ASB18: variants seen among roughly 807,000 people sequenced by gnomAD.
The protein encoded by ASB18 is ankyrin repeat and SOCS box containing 18, also known as ankyrin repeat and SOCS box protein 18.
A neutral mutation model predicts 33.4 loss-of-function variants in ASB18; 33 were observed. The ratio of observed to expected loss-of-function variants is 0.99; its 90% confidence interval spans 0.75 to 1.32. The LOEUF is 1.32. Ranked by LOEUF, ASB18 falls within the 40% of genes most tolerant of loss-of-function variation. ASB18 has a pLI of 0.00. For synonymous variants in ASB18, 295 were observed against 307.6 expected (o/e 0.96, Z 0.43); for missense variants, 694 against 655.5 (o/e 1.06, Z -0.64).
rs2060725161 is a variant in ASB18, at chr2:236,262,743, G to C, written c.205+1398C>G. On this transcript the variant is annotated intron_variant, in intron 1 of 5. Transcript: ENST00000409749. The surrounding 1 kb of genome is among the most constrained non-coding windows in gnomAD (Gnocchi z 5.2). ...TAGAGAGATGGAAGGTACCAAGTTT[G>C]GGATCATGGCTCCTGGGCCTATGGA... 6.6e-6 allele frequency among the ~76,000 whole-genome samples: 1 copy of C among 152,166 alleles called. No individual in the cohort carries two copies. Among genetic ancestry groups the C allele is most frequent in the Non-Finnish European group, 1.5e-5 (1 of 68,034 alleles).
chr2:236,222,006 C>G lies in ASB18; in HGVS notation c.597-7140G>C, dbSNP rs1260913275. Among the ~76,000 whole-genome samples the G allele has an allele frequency of 6.6e-6, 1 of 152,120 alleles. No homozygotes were observed. The highest frequency in any genetic ancestry group is 6.6e-5 in the Admixed American group (1 of 15,266). The stretch of plus-strand genomic sequence containing the variant: ...CTATGGGGGCAAGGTTGCAGGGGAG[C>G]CTTGGGAGGAAAACAGAGCCGTGTT... On this transcript the variant is annotated intron_variant, in intron 3 of 5. Transcript: ENST00000409749. The surrounding 1 kb of genome is among the most constrained non-coding windows in gnomAD (Gnocchi z 5.5).
rs2060445968 is a variant in ASB18 at position 236,208,845 on chromosome 2, C to T, written c.1101+5517G>A. Among the ~76,000 whole-genome samples, 1 of 152,190 alleles carries T rather than the reference C, an allele frequency of 6.6e-6. No individual in the cohort carries two copies. Among genetic ancestry groups the T allele is most frequent in the African/African-American group, 2.4e-5 (1 of 41,442 alleles). On this transcript the variant is annotated intron_variant, in intron 4 of 5. Coordinates refer to ENST00000409749, the MANE Select transcript of ASB18 (RefSeq NM_212556.4). The surrounding 1 kb of genome is among the most constrained non-coding windows in gnomAD (Gnocchi z 7.7). ...TTGCTGTCTGCGGAGAGGCGGCTGC[C>T]ACATTACTCTGACATGCTGATGTCA... is the stretch of plus-strand genomic sequence containing the variant.
intron 4 of ASB18, among the ~76,000 whole-genome samples, chr2:236,206,020 C>T (rs906444344): frequency 2.6e-5 from 4 of 152,144 alleles, no homozygotes; most frequent in Non-Finnish European, 4.4e-5. Context: ...ACACCCTTTT[C>T]GATTGCCAAC....
chr2:236,199,723 G>A (rs2060390897), intron 4 of ASB18, among the ~76,000 whole-genome samples: 2 of 151,528 alleles, frequency 1.3e-5, no homozygotes, highest in African/African-American at 4.8e-5. Context: ...AATTTTTTGA[G>A]CTATTTTTGT....
rs1385437292 is a variant in ASB18, at chr2:236,259,888, T to G, written c.205+4253A>C. Among the ~76,000 whole-genome samples, 2 of 152,252 alleles carry G rather than the reference T, an allele frequency of 1.3e-5. No individual in the cohort carries two copies. Among genetic ancestry groups the G allele is most frequent in the Non-Finnish European group, 2.9e-5 (2 of 68,040 alleles). ...ATTTTCAGTTCCTTTGACTTCTGCCTGCACCAAGGTGGGGGCACATGTTCA... is the reference window on the plus strand; with the variant it reads ...ATTTTCAGTTCCTTTGACTTCTGCCGGCACCAAGGTGGGGGCACATGTTCA... On this transcript the variant is annotated intron_variant, in intron 1 of 5. Coordinates refer to ENST00000409749, the MANE Select transcript of ASB18 (RefSeq NM_212556.4). The surrounding 1 kb of genome is among the most constrained non-coding windows in gnomAD (Gnocchi z 4.4).
In ASB18 at chr2:236,215,775, G is replaced by A. The variant is rs1279056769; in HGVS notation, c.597-909C>T. Among the ~76,000 whole-genome samples, 3 of 152,066 alleles carry A rather than the reference G, an allele frequency of 2.0e-5. No individual in the cohort carries two copies. Among genetic ancestry groups the A allele is most frequent in the Non-Finnish European group, 2.9e-5 (2 of 68,006 alleles). The stretch of plus-strand genomic sequence containing the variant: ...GCTGGTCCTTGTCCTTCATGGACAC[G>A]GAAAAACACAAGCCCACCCCCAACT... On this transcript the variant is annotated intron_variant, in intron 3 of 5. Transcript: ENST00000409749. This position sits in a 1 kb window ranked among gnomAD's most constrained non-coding sequence, Gnocchi z 7.2.
Position 236,264,126 on chromosome 2 carries a change from G to C in ASB18, c.205+15C>G. The C allele has an allele frequency of 6.2e-7, 1 of 1,611,880 alleles. No individual in the cohort carries two copies. Among genetic ancestry groups the C allele is most frequent in the Non-Finnish European group, 8.5e-7 (1 of 1,178,680 alleles). ...AGTAATTAAATCCCAGATGCAGCAGGCTCGTTCTGGTTACCTAGCAGCATG... is the reference window on the plus strand; with the variant it reads ...AGTAATTAAATCCCAGATGCAGCAGCCTCGTTCTGGTTACCTAGCAGCATG... On this transcript the variant is annotated intron_variant, in intron 1 of 5. Transcript: ENST00000409749. The surrounding 1 kb of genome is among the most constrained non-coding windows in gnomAD (Gnocchi z 5.1).
chr2:236,259,644 A>G lies in ASB18; in HGVS notation c.205+4497T>C, dbSNP rs752560040. 3 of 467,782 alleles carry G rather than the reference A, an allele frequency of 6.4e-6. No individual in the cohort carries two copies. The highest frequency in any genetic ancestry group is 1.3e-5 in the Non-Finnish European group (3 of 225,262). 29.0% of individuals were successfully genotyped at this position (467,782 alleles called of 1,614,324 possible). A position where few individuals can be genotyped will look rare whatever the true frequency, so the allele number is the denominator to read the frequency against. On this transcript the variant is annotated intron_variant, in intron 1 of 5. Transcript: ENST00000409749. This position sits in a 1 kb window ranked among gnomAD's most constrained non-coding sequence, Gnocchi z 4.4. ...CCCTGGCTGGGAGGATCCTGTTGGG[A>G]TGGGGATGCTGACTGTAGAGCGTGG...
chr2:236,241,127 C>A lies in ASB18; in HGVS notation c.328+153G>T, dbSNP rs979683327. Reference sequence around the variant, plus strand: ...TATAGGCCATCACCTAAAACCTACACTTTACTGCGAGCAAACTTCATCAGA... The same window carrying A: ...TATAGGCCATCACCTAAAACCTACAATTTACTGCGAGCAAACTTCATCAGA... On this transcript the variant is annotated intron_variant, in intron 2 of 5. Transcript: ENST00000409749. This position sits in a 1 kb window ranked among gnomAD's most constrained non-coding sequence, Gnocchi z 4.2. Among the ~76,000 whole-genome samples the A allele has an allele frequency of 6.6e-6, 1 of 152,226 alleles. No homozygotes were observed. The highest frequency in any genetic ancestry group is 1.5e-5 in the Non-Finnish European group (1 of 68,036).
At position 236,208,880 on chromosome 2, in the gene ASB18, A is replaced by G. The variant is rs2060446087; in HGVS notation, c.1101+5482T>C. 6.6e-6 allele frequency among the ~76,000 whole-genome samples: 1 copy of G among 152,214 alleles called. No individual in the cohort carries two copies. The highest frequency in any genetic ancestry group is 6.5e-5 in the Admixed American group (1 of 15,282). Reference sequence around the variant, plus strand: ...TGACATGCTGATGTCATTAGTGTCCACGCACACCACACTCTCTTCAGCTAA... The same window carrying G: ...TGACATGCTGATGTCATTAGTGTCCGCGCACACCACACTCTCTTCAGCTAA... On this transcript the variant is annotated intron_variant, in intron 4 of 5. Transcript: ENST00000409749. This position sits in a 1 kb window ranked among gnomAD's most constrained non-coding sequence, Gnocchi z 7.7.
rs937638095 is a variant in ASB18, at chr2:236,256,307, A to T, written c.205+7834T>A. Among the ~76,000 whole-genome samples the T allele has an allele frequency of 6.6e-6, 1 of 152,164 alleles. No individual in the cohort carries two copies. The highest frequency in any genetic ancestry group is 1.5e-5 in the Non-Finnish European group (1 of 68,036). On this transcript the variant is annotated intron_variant, in intron 1 of 5. Transcript: ENST00000409749. The surrounding 1 kb of genome is among the most constrained non-coding windows in gnomAD (Gnocchi z 4.7). ...CTCCCAAAGTGCTGGGGTTACAGGC[A>T]TGAACCACCATGCCCGGCCCATAAG...
intron 1 of ASB18, among the ~76,000 whole-genome samples, chr2:236,258,240 C>G (rs557851946): frequency 6.6e-6 from 1 of 152,128 alleles, no homozygotes; most frequent in Non-Finnish European, 1.5e-5. Flanking sequence ...CAGTGTGGGT[C>G]GGGAGGCTTT....
rs1448853439 is a variant in ASB18, at chr2:236,257,056, A to G, written c.205+7085T>C. 6.6e-6 allele frequency among the ~76,000 whole-genome samples: 1 copy of G among 152,228 alleles called. No homozygotes were observed. The highest frequency in any genetic ancestry group is 1.5e-5 in the Non-Finnish European group (1 of 68,036). On this transcript the variant is annotated intron_variant, in intron 1 of 5. Transcript: ENST00000409749. This position sits in a 1 kb window ranked among gnomAD's most constrained non-coding sequence, Gnocchi z 5.5. ...ATCTGATGTTATTGTAGGAAAGTGT[A>G]TTTCTAATAAATTCCACTTGATCTG...
intron 4 of ASB18, among the ~76,000 whole-genome samples, chr2:236,206,463 T>C (rs557508182): frequency 3.9e-5 from 6 of 152,202 alleles, no homozygotes; most frequent in Admixed American, 6.5e-5. Flanking sequence ...GGAGGCATTC[T>C]GAGGACAAAG....
rs1452371274 is a variant in ASB18 at position 236,219,458 on chromosome 2, C to T, written c.597-4592G>A. Among the ~76,000 whole-genome samples the T allele has an allele frequency of 3.3e-5, 5 of 152,164 alleles. No individual in the cohort carries two copies. The highest frequency in any genetic ancestry group is 7.2e-5 in the African/African-American group (3 of 41,432). ...TTTAGGTATAAGCAGCATTTTGGAACGTATGTATGGCAATGCCCATGAGAA... is the reference window on the plus strand; with the variant it reads ...TTTAGGTATAAGCAGCATTTTGGAATGTATGTATGGCAATGCCCATGAGAA... On this transcript the variant is annotated intron_variant, in intron 3 of 5. Transcript: ENST00000409749. This position sits in a 1 kb window ranked among gnomAD's most constrained non-coding sequence, Gnocchi z 6.4.
rs1277701565 is a variant in ASB18, at chr2:236,260,319, T to C, written c.205+3822A>G. 1.3e-5 allele frequency among the ~76,000 whole-genome samples: 2 copies of C among 152,218 alleles called. No individual in the cohort carries two copies. Among genetic ancestry groups the C allele is most frequent in the African/African-American group, 4.8e-5 (2 of 41,456 alleles). On this transcript the variant is annotated intron_variant, in intron 1 of 5. Transcript: ENST00000409749. This position sits in a 1 kb window ranked among gnomAD's most constrained non-coding sequence, Gnocchi z 5.1. The stretch of plus-strand genomic sequence containing the variant: ...GCATCACCAGCTCTGCCCCCTCTCT[T>C]GGCCCAGCCCTGTTTTCCTGTGTTA...
chr2:236,224,458 T>C (rs981997461), intron 3 of ASB18, among the ~76,000 whole-genome samples: 2 of 152,000 alleles, frequency 1.3e-5, no homozygotes, highest in Admixed American at 6.6e-5. Context: ...TGGGATGCCA[T>C]TGAGGGGCAG....
rs1255892391 is a variant in ASB18, at chr2:236,245,773, A to G, written c.206-4371T>C. On this transcript the variant is annotated intron_variant, in intron 1 of 5. Transcript: ENST00000409749. This position sits in a 1 kb window ranked among gnomAD's most constrained non-coding sequence, Gnocchi z 4.7. ...CTGCTTCCTCTCTGGGAAGTTCTTC[A>G]TGCCCCGCATGGTGTTCCACACAGA... Among the ~76,000 whole-genome samples, 2 of 152,154 alleles carry G rather than the reference A, an allele frequency of 1.3e-5. No individual in the cohort carries two copies. Among genetic ancestry groups the G allele is most frequent in the East Asian group, 3.9e-4 (2 of 5,176 alleles).
In ASB18 at chr2:236,262,465, C is replaced by T. The variant is rs2060723221; in HGVS notation, c.205+1676G>A. Among the ~76,000 whole-genome samples the T allele has an allele frequency of 6.6e-6, 1 of 152,206 alleles. No homozygotes were observed. The highest frequency in any genetic ancestry group is 2.1e-4 in the South Asian group (1 of 4,832). On this transcript the variant is annotated intron_variant, in intron 1 of 5. Coordinates refer to ENST00000409749, the MANE Select transcript of ASB18 (RefSeq NM_212556.4). This position sits in a 1 kb window ranked among gnomAD's most constrained non-coding sequence, Gnocchi z 5.2. ...TTCCACAGAAGGAGGCTGCTAAACC[C>T]AGCAGCGATCTGGCAGGGAGGGCCG...
Sources: gnomAD v4.1 joint callset for allele counts (sites outside exome capture counted in the v4.1 genomes callset) on GRCh38, gnomAD v4.1.1 for gene constraint, Gnocchi (gnomAD v3.1) non-coding constraint, MANE v1.5 for transcripts, NCBI Gene and HGNC (gene_info 2026-07-23, HGNC 2026-07-21) for gene names.